NUP42: variants seen among roughly 807,000 people sequenced by gnomAD.
NUP42 encodes nucleoporin 42.
A neutral mutation model predicts 35.9 loss-of-function variants in NUP42; 47 were observed. That is an observed-to-expected ratio of 1.31 (90% CI 1.04 to 1.67). The LOEUF is 1.67. Ranked by LOEUF, NUP42 falls within the 40% of genes most tolerant of loss-of-function variation. The probability of loss-of-function intolerance (pLI) is 0.00; values close to 1 mark genes in which losing one functional copy is unlikely to be tolerated. For synonymous variants in NUP42, 173 were observed against 173.3 expected (o/e 1.00, Z 0.01); for missense variants, 514 against 492.2 (o/e 1.04, Z -0.42).
intron 5 of NUP42, chr7:23,197,170 C>G (rs553080262): frequency 7.7e-7 from 1 of 1,290,458 alleles, no homozygotes; most frequent in Admixed American, 2.3e-5. Context: ...TTGTCTTAAA[C>G]AGAAATGCCT....
chr7:23,190,622 A>G (rs1785756676), intron 3 of NUP42, among the ~76,000 whole-genome samples: 1 of 152,172 alleles, frequency 6.6e-6, no homozygotes. Flanking sequence ...CATCCATTGT[A>G]TTAATAAATT....
At chr7:23,192,363 G>T (rs6943926) in intron 3 of NUP42, among the ~76,000 whole-genome samples, 52,057 of 151,566 alleles carry the variant, frequency 0.34, 9,128 homozygotes, top group Middle Eastern at 0.39. Context: ...GGCCAATGTG[G>T]TGAAACCCCA....
intron 1 of NUP42, among the ~76,000 whole-genome samples, chr7:23,184,002 G>C (rs892036665): frequency 3.3e-5 from 5 of 150,484 alleles, no homozygotes; most frequent in African/African-American, 7.3e-5. Flanking sequence ...TATTCAGTCA[G>C]AAACAAGATG....
Position 23,199,458 on chromosome 7 carries a change from C to T in NUP42, c.610C>T (p.Leu204Phe). The T allele has an allele frequency of 6.2e-7, 1 of 1,610,168 alleles. No homozygotes were observed. The highest frequency in any genetic ancestry group is 8.5e-7 in the Non-Finnish European group (1 of 1,178,220). ...TTATTTGCACACTTTTTTTTTTCAG[C>T]TCTCTGATGTAAAGGATGGAGTAAA... ...SLNISTKVAL[L>F]SDVKDGVNQA... The change falls in exon 6 of 7, where the codon CTC (leucine) becomes TTC (phenylalanine). Residue 204 changes from leucine to phenylalanine, a missense_variant and splice_region_variant. Leu to Phe is a conservative substitution (Grantham distance 22). Transcript: ENST00000258742.
At chr7:23,183,755 A>G (rs1024764164) in intron 1 of NUP42, among the ~76,000 whole-genome samples, 20 of 92,382 alleles carry the variant, frequency 2.2e-4, no homozygotes, top group African/African-American at 8.9e-4. Context: ...AAAGCAATGT[A>G]AAAAAAAAAA....
intron 1 of NUP42, among the ~76,000 whole-genome samples, chr7:23,182,931 G>A (rs1248720172): frequency 6.7e-6 from 1 of 150,204 alleles, no homozygotes; most frequent in Non-Finnish European, 1.5e-5. Flanking sequence ...AAGAAAGAAA[G>A]AAAAGAAAAA....
intron 5 of NUP42, chr7:23,198,244 A>C: frequency 9.0e-6 from 1 of 111,562 alleles, no homozygotes; most frequent in Non-Finnish European, 1.6e-5. Flanking sequence ...GCAGAGTCTC[A>C]CTCTGTCACC....
chr7:23,196,169 C>G (rs1309072823), intron 4 of NUP42: 2 of 234,928 alleles, frequency 8.5e-6, no homozygotes, highest in African/African-American at 4.6e-5. Flanking sequence ...GAAATGAAAC[C>G]CTTTTATCAT....
chr7:23,182,145 C>A lies in NUP42; in HGVS notation c.60C>A (p.Asn20Lys). Residue 20 changes from asparagine to lysine, a missense_variant, in exon 1 of 7, where the codon AAC (asparagine) becomes AAA (lysine). Asn to Lys is a moderately conservative substitution (Grantham distance 94). Transcript: ENST00000258742. ...GRCRFGDRCWNEHPGARGAGG... is the reference protein window; with the variant it reads ...GRCRFGDRCWKEHPGARGAGG... ...GCCGCTTTGGAGATCGGTGCTGGAA[C>A]GAACATCCCGGTGCTAGGGGTGCAG... 1 of 1,614,200 alleles carries A rather than the reference C, an allele frequency of 6.2e-7. No homozygotes were observed. The highest frequency in any genetic ancestry group is 8.5e-7 in the Non-Finnish European group (1 of 1,180,018).
intron 3 of NUP42, among the ~76,000 whole-genome samples, chr7:23,188,918 T>TA (rs1313137007): frequency 1.3e-5 from 2 of 152,182 alleles, no homozygotes; most frequent in African/African-American, 2.4e-5. Flanking sequence ...GATGTCACAA[T>TA]AAAAAAATGT....
At chr7:23,196,472 G>A (rs945001294) in intron 4 of NUP42, 16 of 511,374 alleles carry the variant, frequency 3.1e-5, no homozygotes, top group Admixed American at 2.8e-4. Flanking sequence ...CTAACCAGAT[G>A]ATACAAGGAG....
In NUP42 at chr7:23,200,606, G is replaced by T; in HGVS notation, c.1133G>T (p.Ser378Ile). 6.2e-7 allele frequency: 1 copy of T among 1,614,122 alleles called. No individual in the cohort carries two copies. Residue 378 changes from serine to isoleucine, a missense_variant, in exon 7 of 7, where the codon AGC becomes ATC. Transcript: ENST00000258742. ...TCCACTTCTCTGTCAGCCTCAAGCAGCATCATTGCAACAGATAATGTGTTA... is the reference window on the plus strand; with the variant it reads ...TCCACTTCTCTGTCAGCCTCAAGCATCATCATTGCAACAGATAATGTGTTA... ...SISTSLSASS[S>I]IIATDNVLFT...
intron 2 of NUP42, among the ~76,000 whole-genome samples, chr7:23,185,779 G>T (rs1213271572): frequency 6.6e-6 from 1 of 152,110 alleles, no homozygotes; most frequent in Non-Finnish European, 1.5e-5. Context: ...TTGCTCTGTT[G>T]CCCAGGCTAG....
At chr7:23,184,928 C>T in intron 1 of NUP42, 142 bp from the exon 2 acceptor site, 3 of 654,698 alleles carry the variant, frequency 4.6e-6, no homozygotes, top group Non-Finnish European at 7.7e-6. Context: ...ATCGATTGAG[C>T]TTAGGAGGTT....
intron 3 of NUP42, among the ~76,000 whole-genome samples, chr7:23,191,302 G>A (rs776626873): frequency 6.6e-6 from 1 of 152,192 alleles, no homozygotes; most frequent in Non-Finnish European, 1.5e-5. Context: ...TGCTGTGTGA[G>A]GGGGGAGAAA....
rs773074996 is a variant in NUP42 at position 23,185,132 on chromosome 7, A to G, written c.184A>G (p.Ser62Gly). 1 of 1,614,220 alleles carries G rather than the reference A, an allele frequency of 6.2e-7. No homozygotes were observed. The highest frequency in any genetic ancestry group is 1.1e-5 in the South Asian group (1 of 91,084). The change falls in exon 2 of 7, where the codon AGT becomes GGT. Residue 62 changes from serine to glycine, a missense_variant. By Grantham distance (56) the Ser-to-Gly change is moderately conservative. Coordinates refer to ENST00000258742, the MANE Select transcript of NUP42 (RefSeq NM_007342.3). Reference sequence around the variant, plus strand: ...ATATTCCAATGTCATCCAGCCATCCAGTTTCTCCAAATCCACACCATGGGG... The same window carrying G: ...ATATTCCAATGTCATCCAGCCATCCGGTTTCTCCAAATCCACACCATGGGG... ...QRYSNVIQPS[S>G]FSKSTPWGGS...
At chr7:23,199,710 C>T (rs1194755550) in intron 6 of NUP42, among the ~76,000 whole-genome samples, 168 bp downstream of exon 6, 1 of 152,142 alleles carries the variant, frequency 6.6e-6, no homozygotes, top group Admixed American at 6.5e-5. Flanking sequence ...AAAGGGAGGC[C>T]AGATTGGGCA....
intron 3 of NUP42, among the ~76,000 whole-genome samples, chr7:23,193,273 A>G (rs1332732677): frequency 2.6e-5 from 4 of 152,296 alleles, no homozygotes; most frequent in Non-Finnish European, 5.9e-5. Flanking sequence ...GCGGGTTGCC[A>G]CTGCTGGCTG....
rs1785549007 is a variant in NUP42 at position 23,185,182 on chromosome 7, A to G, written c.234A>G (p.Pro78=). 6 of 1,614,080 alleles carry G rather than the reference A, an allele frequency of 3.7e-6. No individual in the cohort carries two copies. The highest frequency in any genetic ancestry group is 1.7e-5 in the Admixed American group (1 of 60,010). ...PWGGSRDQEK[P]YFSSFDSGAS... ...GGGGCAGCAGAGATCAAGAAAAGCCATATTTCAGTTCTTTTGATTCTGGAG... is the reference window on the plus strand; with the variant it reads ...GGGGCAGCAGAGATCAAGAAAAGCCGTATTTCAGTTCTTTTGATTCTGGAG... Residue 78 remains proline (P), a synonymous_variant, in exon 2 of 7, where the codon CCA becomes CCG. Transcript: ENST00000258742.
Sources: gnomAD v4.1 joint callset for allele counts (sites outside exome capture counted in the v4.1 genomes callset) on GRCh38, gnomAD v4.1.1 for gene constraint, MANE v1.5 for transcripts, NCBI Gene and HGNC (gene_info 2026-07-23, HGNC 2026-07-21) for gene names.